The following ARL14EP variants were observed in gnomAD, a reference collection of about 807,000 sequenced individuals.
ARL14EP encodes the protein ARL14 effector protein.
A neutral mutation model predicts 23.1 loss-of-function variants in ARL14EP; 12 were observed. That is an observed-to-expected ratio of 0.52 (90% CI 0.33 to 0.84). ARL14EP has a LOEUF of 0.84. ARL14EP is among the 40% of genes least tolerant of loss of function. The pLI is 0.02. For missense variants in ARL14EP, 253 were observed against 307.3 expected (o/e 0.82, Z 1.32); for synonymous variants, 97 against 102.0 (o/e 0.95, Z 0.29).
In ARL14EP at chr11:30,336,950, T is replaced by G; in HGVS notation, c.*155T>G. On this transcript the variant is annotated 3_prime_UTR_variant, in exon 4 of 4. Coordinates refer to ENST00000282032, the MANE Select transcript of ARL14EP (RefSeq NM_152316.3). Reference sequence around the variant, plus strand: ...ATCTTGGGTGCTTTAAGATTCACTATTTGATATAAATTCAGATAGGCTATT... The same window carrying G: ...ATCTTGGGTGCTTTAAGATTCACTAGTTGATATAAATTCAGATAGGCTATT... 3 of 724,138 alleles carry G rather than the reference T, an allele frequency of 4.1e-6. No individual in the cohort carries two copies. The South Asian group carries it at 5.0e-5, about 12-fold the overall frequency. 44.9% of individuals were successfully genotyped at this position (724,138 alleles called of 1,614,324 possible).
chr11:30,332,272 T>C (rs548392577), intron 2 of ARL14EP, among the ~76,000 whole-genome samples: 1 of 151,012 alleles, frequency 6.6e-6, no homozygotes, highest in Non-Finnish European at 1.5e-5. Flanking sequence ...CCAGTTTATC[T>C]GTAGTTCATA....
rs544254707 is a variant in ARL14EP at position 30,324,202 on chromosome 11, T to A, written c.-64+1000T>A. On this transcript the variant is annotated intron_variant, in intron 1 of 3. Transcript: ENST00000282032. ...TATTTTTATTAAATAAGAGATAATC[T>A]GGGAAGACGCTGTGTAAGTTGTAAG... Among the ~76,000 whole-genome samples the A allele has an allele frequency of 3.3e-5, 5 of 152,342 alleles. No individual in the cohort carries two copies. The South Asian group carries it at 8.3e-4, about 25-fold the overall frequency.
rs1158633126 is a variant in ARL14EP at position 30,336,882 on chromosome 11, A to G, written c.*87A>G. The G allele has an allele frequency of 8.0e-7, 1 of 1,248,890 alleles. No individual in the cohort carries two copies. The highest frequency in any genetic ancestry group is 1.1e-6 in the Non-Finnish European group (1 of 871,070). The allele number at this position is 1,248,890 out of a possible 1,614,324, so 77.4% of individuals were successfully genotyped here. On this transcript the variant is annotated 3_prime_UTR_variant, in exon 4 of 4. Coordinates refer to ENST00000282032, the MANE Select transcript of ARL14EP (RefSeq NM_152316.3). ...GATACATTTTAAGCTTGATTATCAT[A>G]TGACAAAGATTTTAAAACCATCTCA...
rs761076314 is a variant in ARL14EP at position 30,331,383 on chromosome 11, A to C, written c.426+9A>C. ...GGAAACCTGAGTCAGATGTATGTGT[A>C]ATAGTCATTTTTTTCTACATTGTGA... On this transcript the variant is annotated intron_variant, in intron 2 of 3. Transcript: ENST00000282032. 2.5e-6 allele frequency: 4 copies of C among 1,613,808 alleles called. No individual in the cohort carries two copies. Among genetic ancestry groups the C allele is most frequent in the Non-Finnish European group, 3.4e-6 (4 of 1,179,804 alleles).
chr11:30,336,594 C>G lies in ARL14EP; in HGVS notation c.582C>G (p.Val194=), dbSNP rs201994546. Residue 194 remains valine (V), a synonymous_variant, in exon 4 of 4, where the codon GTC becomes GTG. Coordinates refer to ENST00000282032, the MANE Select transcript of ARL14EP (RefSeq NM_152316.3). ...DRQVIPAKSK[V]YDSQGLLIFS... ...AAGTGATACCAGCAAAGAGTAAGGTCTATGATAGCCAGGGTCTCCTGATTT... is the reference window on the plus strand; with the variant it reads ...AAGTGATACCAGCAAAGAGTAAGGTGTATGATAGCCAGGGTCTCCTGATTT... The G allele has an allele frequency of 3.1e-6, 5 of 1,613,664 alleles. No individual in the cohort carries two copies. In the Admixed American group the frequency reaches 8.3e-5, roughly 27 times the overall value.
At chr11:30,330,662 T>C in intron 1 of ARL14EP, 1 of 338,250 alleles carries the variant, frequency 3.0e-6, no homozygotes, top group Non-Finnish European at 5.5e-6. Flanking sequence ...TTTTAATTCT[T>C]ATGTGGTCTT....
intron 3 of ARL14EP, among the ~76,000 whole-genome samples, chr11:30,333,612 C>G (rs1271470942): frequency 6.6e-6 from 1 of 152,128 alleles, no homozygotes; most frequent in Non-Finnish European, 1.5e-5. Flanking sequence ...ACTGGCTGTT[C>G]TCTAGACTCT....
intron 2 of ARL14EP, among the ~76,000 whole-genome samples, chr11:30,332,079 T>A (rs1408244902): frequency 6.6e-6 from 1 of 152,128 alleles, no homozygotes; most frequent in Non-Finnish European, 1.5e-5. Context: ...CTATCTTTTG[T>A]GTAGGACAAG....
intron 1 of ARL14EP, among the ~76,000 whole-genome samples, chr11:30,324,741 G>T (rs1479944172): frequency 6.6e-6 from 1 of 152,168 alleles, no homozygotes; most frequent in Admixed American, 6.5e-5. Flanking sequence ...AGTAAAGCTG[G>T]ATAATTCCCT....
chr11:30,325,251 G>T (rs1288805189), intron 1 of ARL14EP, among the ~76,000 whole-genome samples: 1 of 152,174 alleles, frequency 6.6e-6, no homozygotes, highest in Non-Finnish European at 1.5e-5. Context: ...GGGAAGGAGA[G>T]AAACTAAAGT....
At position 30,337,422 on chromosome 11, in the gene ARL14EP, A is replaced by G. The variant is rs531268321; in HGVS notation, c.*627A>G. 2 of 152,556 alleles carry G rather than the reference A, an allele frequency of 1.3e-5. No homozygotes were observed. Among genetic ancestry groups the G allele is most frequent in the South Asian group, 4.1e-4 (2 of 4,836 alleles). The allele number at this position is 152,556 out of a possible 1,614,324, so 9.5% of individuals were successfully genotyped here. ...TGAACACTCGAAAGAACTGGTCAAC[A>G]AAGATGAAAGTGCAGCAAAGCAATG... On this transcript the variant is annotated 3_prime_UTR_variant, in exon 4 of 4. Transcript: ENST00000282032.
chr11:30,325,724 A>T (rs377449368), intron 1 of ARL14EP, among the ~76,000 whole-genome samples: 2 of 152,192 alleles, frequency 1.3e-5, no homozygotes, highest in South Asian at 2.1e-4. Flanking sequence ...AACTGGTAAG[A>T]TGCTATAACC....
intron 1 of ARL14EP, among the ~76,000 whole-genome samples, 194 bp downstream of exon 1, chr11:30,323,396 A>ATC (rs1392619105): frequency 1.3e-5 from 2 of 152,172 alleles, no homozygotes; most frequent in Non-Finnish European, 2.9e-5. Flanking sequence ...TCTGCGACGC[A>ATC]ACGCCTTGTG....
At position 30,332,896 on chromosome 11, in the gene ARL14EP, C is replaced by A. The variant is rs541639979; in HGVS notation, c.457C>A (p.Gln153Lys). ...GRTAKALRSL[Q>K]FTNPGRQTEF... Reference sequence around the variant, plus strand: ...AACTGCTAAAGCTTTGAGGTCATTACAATTTACGAATCCAGGAAGGCAAAC... The same window carrying A: ...AACTGCTAAAGCTTTGAGGTCATTAAAATTTACGAATCCAGGAAGGCAAAC... The change falls in exon 3 of 4, where the codon CAA becomes AAA. Residue 153 changes from glutamine (Q) to lysine (K), a missense_variant. Transcript: ENST00000282032. The A allele has an allele frequency of 1.2e-6, 2 of 1,613,428 alleles. No individual in the cohort carries two copies. The highest frequency in any genetic ancestry group is 3.3e-5 in the Admixed American group (2 of 60,006).
chr11:30,336,486 C>A, intron 3 of ARL14EP, 81 bp from the exon 4 acceptor site: 1 of 744,058 alleles, frequency 1.3e-6, no homozygotes, highest in Non-Finnish European at 1.8e-6. Flanking sequence ...ATTTTATCTC[C>A]TTTTTTTTTT....
chr11:30,325,806 A>C (rs1425480750), intron 1 of ARL14EP, among the ~76,000 whole-genome samples: 1 of 152,244 alleles, frequency 6.6e-6, no homozygotes, highest in Non-Finnish European at 1.5e-5. Flanking sequence ...AAGTGAGGGC[A>C]AAATTGGCTG....
At position 30,331,221 on chromosome 11, in the gene ARL14EP, T is replaced by C. The variant is rs978526208; in HGVS notation, c.273T>C (p.His91=). ...IHKKLAKKNL[H]VIDLDDATFL... is the part of the protein sequence containing the mutation. ...AGAAATTAGCCAAAAAAAATTTGCA[T>C]GTAATTGACTTAGATGATGCCACTT... Residue 91 remains histidine, a synonymous_variant, in exon 2 of 4, where the codon CAT becomes CAC. Transcript: ENST00000282032. The C allele has an allele frequency of 1.2e-6, 2 of 1,613,870 alleles. No homozygotes were observed. Among genetic ancestry groups the C allele is most frequent in the Non-Finnish European group, 1.7e-6 (2 of 1,179,904 alleles).
chr11:30,335,776 ATGTG>A (rs10601449), intron 3 of ARL14EP, among the ~76,000 whole-genome samples: 39 of 146,996 alleles, frequency 2.7e-4, no homozygotes, highest in Non-Finnish European at 3.3e-4. Flanking sequence ...ATATATATAT[ATGTG>A]TGTGTGTGTG....
rs1312779307 is a variant in ARL14EP at position 30,337,499 on chromosome 11, A to G, written c.*704A>G. 6.6e-6 allele frequency: 1 copy of G among 152,358 alleles called. No individual in the cohort carries two copies. The highest frequency in any genetic ancestry group is 2.1e-4 in the South Asian group (1 of 4,836). 9.4% of individuals were successfully genotyped at this position (152,358 alleles called of 1,614,324 possible). ...TTTAATCAAACATAAATGAATTTGT[A>G]GAAGAAGTCACTGACCATGGGAATG... On this transcript the variant is annotated 3_prime_UTR_variant, in exon 4 of 4. Transcript: ENST00000282032.
Sources: allele counts gnomAD v4.1 joint callset (sites outside exome capture counted in the v4.1 genomes callset), GRCh38; gene constraint gnomAD v4.1.1; transcripts MANE v1.5; gene names NCBI Gene and HGNC (gene_info 2026-07-23, HGNC 2026-07-21).